The following WDR70 variants were observed in gnomAD, a reference collection of about 807,000 sequenced individuals.
The protein encoded by WDR70 is WD repeat domain 70, also known as WD repeat-containing protein 70.
WDR70 carries 53 observed loss-of-function variants against 88.6 expected under a neutral mutation model. The ratio of observed to expected loss-of-function variants is 0.60; its 90% CI spans 0.48 to 0.75. The LOEUF (loss-of-function observed/expected upper bound fraction) is 0.75. WDR70 is among the 30% of genes least tolerant of loss of function. The pLI is 0.00. For synonymous variants in WDR70, 280 were observed against 270.0 expected (o/e 1.04, Z -0.36); for missense variants, 610 against 823.2 (o/e 0.74, Z 3.17).
intron 9 of WDR70, among the ~76,000 whole-genome samples, chr5:37,522,364 G>A (rs1170659485): frequency 2.0e-5 from 3 of 151,488 alleles, no homozygotes; most frequent in Non-Finnish European, 4.4e-5. Flanking sequence ...CCAGCTACCT[G>A]TGAGGCTGAG....
At chr5:37,397,580 A>G (rs1041451453) in intron 5 of WDR70, among the ~76,000 whole-genome samples, 1 of 152,260 alleles carries the variant, frequency 6.6e-6, no homozygotes, top group Non-Finnish European at 1.5e-5. Context: ...TCAACAATGA[A>G]GTAGAAGATG....
At chr5:37,722,749 G>T in intron 14 of WDR70, 106 bp from the exon 15 acceptor site, 2 of 878,796 alleles carry the variant, frequency 2.3e-6, no homozygotes, top group Non-Finnish European at 1.8e-6. Context: ...TGTGTAGATG[G>T]AGTGCATGCA....
intron 10 of WDR70, among the ~76,000 whole-genome samples, chr5:37,661,695 T>A (rs1045820093): frequency 6.6e-6 from 1 of 152,228 alleles, no homozygotes; most frequent in Non-Finnish European, 1.5e-5. Context: ...TGTTGTCTTA[T>A]GTTCCTGGGT....
chr5:37,406,154 G>C (rs1008013663), intron 5 of WDR70, among the ~76,000 whole-genome samples: 4 of 152,176 alleles, frequency 2.6e-5, no homozygotes, highest in African/African-American at 4.8e-5. Flanking sequence ...ATGAGAAACA[G>C]AGTCTTAAAT....
Position 37,675,842 on chromosome 5 carries a change from G to A in WDR70, c.1093-21813G>A, listed in dbSNP as rs866679686. Among the ~76,000 whole-genome samples, 39 of 152,144 alleles carry A rather than the reference G, an allele frequency of 2.6e-4. No individual in the cohort carries two copies. In the Middle Eastern group the frequency reaches 0.01, roughly 40 times the overall value. On this transcript the variant is annotated intron_variant, in intron 10 of 17. Transcript: ENST00000265107. ...CCTTGGGCAGTATGGCCATTTTCACGATATTTATTCTTCCTACCCATGAGC... is the reference window on the plus strand; with the variant it reads ...CCTTGGGCAGTATGGCCATTTTCACAATATTTATTCTTCCTACCCATGAGC...
At chr5:37,612,469 A>G (rs1744216301) in intron 10 of WDR70, among the ~76,000 whole-genome samples, 1 of 152,068 alleles carries the variant, frequency 6.6e-6, no homozygotes, top group Non-Finnish European at 1.5e-5. Flanking sequence ...TGATCCCCCC[A>G]TGTCATATTG....
intron 8 of WDR70, among the ~76,000 whole-genome samples, chr5:37,500,641 G>A (rs532762569): frequency 6.7e-6 from 1 of 150,146 alleles, no homozygotes; most frequent in Non-Finnish European, 1.5e-5. Context: ...GGACTAAGGT[G>A]GCATCTCATT....
chr5:37,583,662 C>T (rs185463068), intron 9 of WDR70, among the ~76,000 whole-genome samples: 4 of 149,216 alleles, frequency 2.7e-5, no homozygotes, highest in South Asian at 2.2e-4. Context: ...GACTATGACA[C>T]GCAGTCATAG....
chr5:37,412,366 G>A (rs1228986344), intron 5 of WDR70, among the ~76,000 whole-genome samples: 2 of 152,126 alleles, frequency 1.3e-5, no homozygotes, highest in Non-Finnish European at 2.9e-5. Flanking sequence ...CAGCCTGGGT[G>A]ACAAGAGTGA....
intron 12 of WDR70, among the ~76,000 whole-genome samples, chr5:37,702,055 ATTG>A (rs770086683): frequency 3.3e-5 from 5 of 152,112 alleles, no homozygotes; most frequent in African/African-American, 4.8e-5. Flanking sequence ...GCTTAGGCAA[ATTG>A]TTCTATTTTG....
chr5:37,445,378 G>A (rs996032401), intron 7 of WDR70, among the ~76,000 whole-genome samples: 4 of 149,394 alleles, frequency 2.7e-5, no homozygotes, highest in Non-Finnish European at 3.0e-5. Context: ...TTCCTGAATC[G>A]GTTATGTCAC....
chr5:37,451,559 C>T (rs930381666), intron 7 of WDR70, among the ~76,000 whole-genome samples: 6 of 152,172 alleles, frequency 3.9e-5, no homozygotes, highest in African/African-American at 1.2e-4. Flanking sequence ...TTGAGCCTCC[C>T]TTTAAGTGGC....
intron 9 of WDR70, among the ~76,000 whole-genome samples, chr5:37,601,676 T>C (rs2112469316): frequency 6.6e-6 from 1 of 152,320 alleles, no homozygotes; most frequent in Middle Eastern, 3.4e-3. Flanking sequence ...TGGTGAACTC[T>C]TATTACTGAT....
chr5:37,386,202 CA>C (rs1175575189), intron 3 of WDR70, among the ~76,000 whole-genome samples: 3 of 152,114 alleles, frequency 2.0e-5, no homozygotes, highest in Admixed American at 6.6e-5. Flanking sequence ...CTATCTGAGG[CA>C]TTTACAAATG....
chr5:37,537,253 G>A (rs114527445), intron 9 of WDR70, among the ~76,000 whole-genome samples: 2 of 152,132 alleles, frequency 1.3e-5, no homozygotes, highest in African/African-American at 2.4e-5. Context: ...ATATAAGAAA[G>A]TGTACTCATA....
intron 13 of WDR70, among the ~76,000 whole-genome samples, chr5:37,706,716 T>TATAC (rs1747334457): frequency 6.7e-6 from 1 of 149,782 alleles, no homozygotes; most frequent in East Asian, 2.0e-4. Context: ...AACAGAGTAA[T>TATAC]ACACACACAC....
At chr5:37,681,456 C>T (rs1441083375) in intron 10 of WDR70, among the ~76,000 whole-genome samples, 1 of 152,140 alleles carries the variant, frequency 6.6e-6, no homozygotes, top group Non-Finnish European at 1.5e-5. Flanking sequence ...CCAGGACTTC[C>T]AATACTATGT....
chr5:37,597,066 G>A (rs1023229059), intron 9 of WDR70, among the ~76,000 whole-genome samples: 1 of 152,122 alleles, frequency 6.6e-6, no homozygotes, highest in African/African-American at 2.4e-5. Context: ...TTCACTCTAT[G>A]GATGTACTAC....
At chr5:37,650,940 A>G (rs1745391281) in intron 10 of WDR70, among the ~76,000 whole-genome samples, 1 of 150,264 alleles carries the variant, frequency 6.7e-6, no homozygotes, top group African/African-American at 2.5e-5. Flanking sequence ...TCCTTTCAGA[A>G]CTTCAATCTA....
Sources: allele counts gnomAD v4.1 joint callset (sites outside exome capture counted in the v4.1 genomes callset), GRCh38; gene constraint gnomAD v4.1.1; transcripts MANE v1.5; gene names NCBI Gene and HGNC (gene_info 2026-07-23, HGNC 2026-07-21).